Variants in SECISBP2L observed in about 807,000 individuals in gnomAD.
The protein encoded by SECISBP2L is SECIS binding protein 2 like.
In SECISBP2L, 43 loss-of-function variants were observed where a neutral mutation model predicts 114.7. The ratio of observed to expected loss-of-function variants is 0.38; its 90% CI spans 0.29 to 0.48. SECISBP2L has a LOEUF of 0.48. SECISBP2L is among the 20% of genes least tolerant of loss of function. The pLI is 0.98. For synonymous variants in SECISBP2L, 451 were observed against 439.7 expected (o/e 1.03, Z -0.32); for missense variants, 1,136 against 1,301.1 (o/e 0.87, Z 1.95).
chr15:49,006,368 T>C (rs1177315925), intron 14 of SECISBP2L, among the ~76,000 whole-genome samples: 1 of 152,212 alleles, frequency 6.6e-6, no homozygotes, highest in East Asian at 1.9e-4. Flanking sequence ...ATTCTCCTCG[T>C]CACTTTCAGG....
At chr15:49,032,854 T>C (rs1356435471) in intron 4 of SECISBP2L, 111 bp downstream of exon 4, 3 of 1,337,646 alleles carry the variant, frequency 2.2e-6, no homozygotes, top group South Asian at 1.5e-5. Flanking sequence ...GCAGGACAAA[T>C]GAAAGGATGA....
chr15:49,017,461 T>G, intron 9 of SECISBP2L, 87 bp downstream of exon 9: 1 of 864,424 alleles, frequency 1.2e-6, no homozygotes, highest in South Asian at 1.5e-5. Context: ...TCCATGTGCC[T>G]TTACACTTAT....
intron 1 of SECISBP2L, among the ~76,000 whole-genome samples, chr15:49,039,774 C>T (rs1231295946): frequency 6.6e-6 from 1 of 152,018 alleles, no homozygotes; most frequent in Non-Finnish European, 1.5e-5. Flanking sequence ...AAGTGATCCT[C>T]CCACCTCAGC....
chr15:49,044,610 C>T (rs1359266698), intron 1 of SECISBP2L, among the ~76,000 whole-genome samples: 1 of 151,986 alleles, frequency 6.6e-6, no homozygotes, highest in East Asian at 1.9e-4. Flanking sequence ...GCAAGAAGTA[C>T]TGGAAGAAAA....
chr15:49,017,150 A>G (rs1423487596), intron 9 of SECISBP2L, 135 bp from the exon 10 acceptor site: 7 of 832,896 alleles, frequency 8.4e-6, no homozygotes, highest in Admixed American at 3.2e-5. Context: ...CATAAAGAAC[A>G]GGATTTGACA....
At chr15:49,010,047 C>T (rs1238908802) in intron 13 of SECISBP2L, among the ~76,000 whole-genome samples, 2 of 151,264 alleles carry the variant, frequency 1.3e-5, no homozygotes, top group African/African-American at 2.4e-5. Context: ...GCAGGAGAAT[C>T]GCTTGAACCC....
chr15:49,011,492 C>T (rs193218087), intron 13 of SECISBP2L: 3 of 369,404 alleles, frequency 8.1e-6, no homozygotes, highest in South Asian at 1.2e-4. Context: ...GAATTCACTA[C>T]AAATTCAGGA....
intron 16 of SECISBP2L, among the ~76,000 whole-genome samples, chr15:48,997,310 A>G (rs1306245303): frequency 6.6e-6 from 1 of 152,188 alleles, no homozygotes; most frequent in Admixed American, 6.5e-5. Flanking sequence ...TAGGAATTAA[A>G]TTTTTCTGTA....
intron 7 of SECISBP2L, among the ~76,000 whole-genome samples, chr15:49,020,587 A>C (rs1441954189): frequency 6.6e-6 from 1 of 152,054 alleles, no homozygotes; most frequent in Non-Finnish European, 1.5e-5. Flanking sequence ...AGCTCACTGC[A>C]GCCTCAACCT....
intron 12 of SECISBP2L, among the ~76,000 whole-genome samples, 161 bp from the exon 13 acceptor site, chr15:49,012,024 G>A (rs1902447139): frequency 6.6e-6 from 1 of 152,112 alleles, no homozygotes; most frequent in Non-Finnish European, 1.5e-5. Flanking sequence ...GACACTGTAA[G>A]TTGAAGGAAG....
Position 49,019,413 on chromosome 15 carries a change from A to T in SECISBP2L, c.1170+5T>A, listed in dbSNP as rs997868016. ...CAGCTTACAAATAGAGTTTGAAAAA[A>T]ATACCTCAAAATATAAAGACTCAGA... On this transcript the variant is annotated splice_donor_5th_base_variant and intron_variant, in intron 8 of 17. Coordinates refer to ENST00000559471, the MANE Select transcript of SECISBP2L (RefSeq NM_001193489.2). 1 of 1,425,550 alleles carries T rather than the reference A, an allele frequency of 7.0e-7. No homozygotes were observed. The highest frequency in any genetic ancestry group is 1.5e-5 in the African/African-American group (1 of 67,212). The allele number at this position is 1,425,550 out of a possible 1,614,324, so 88.3% of individuals were successfully genotyped here.
At chr15:48,993,043 A>G in intron 17 of SECISBP2L, 117 bp from the exon 18 acceptor site, 1 of 889,318 alleles carries the variant, frequency 1.1e-6, no homozygotes, top group Non-Finnish European at 1.7e-6. Context: ...TGGCTTAGAA[A>G]CTGACTGGAA....
At chr15:49,006,892 T>G (rs1346159610) in intron 14 of SECISBP2L, among the ~76,000 whole-genome samples, 1 of 152,184 alleles carries the variant, frequency 6.6e-6, no homozygotes, top group Non-Finnish European at 1.5e-5. Flanking sequence ...TTTTGCAATT[T>G]TCAGCCTTTT....
In SECISBP2L at chr15:48,996,943, G is replaced by A. The variant is rs539516999; in HGVS notation, c.2404-357C>T. On this transcript the variant is annotated intron_variant, in intron 16 of 17. Coordinates refer to ENST00000559471, the MANE Select transcript of SECISBP2L (RefSeq NM_001193489.2). ...ACTCTACTCTCAAGGAACCTTCTAT[G>A]TGGCTAGAAAAAGATGGTAAGAGAC... is the stretch of plus-strand genomic sequence containing the variant. 2.6e-3 allele frequency among the ~76,000 whole-genome samples: 392 copies of A among 152,258 alleles called. 3 individuals carry two copies. The highest frequency in any genetic ancestry group is 9.2e-3 in the African/African-American group (381 of 41,534).
chr15:49,010,093 C>T (rs1413904424), intron 13 of SECISBP2L, among the ~76,000 whole-genome samples: 3 of 138,998 alleles, frequency 2.2e-5, no homozygotes, highest in Non-Finnish European at 4.7e-5. Flanking sequence ...GATGGCACTA[C>T]TGCACTCCAG....
chr15:49,005,208 T>C (rs1902291359), intron 14 of SECISBP2L, among the ~76,000 whole-genome samples: 1 of 152,184 alleles, frequency 6.6e-6, no homozygotes, highest in Non-Finnish European at 1.5e-5. Context: ...CACAGGCCTG[T>C]AGTCCCACCT....
At chr15:49,021,681 T>A (rs1052397507) in intron 7 of SECISBP2L, among the ~76,000 whole-genome samples, 1 of 152,174 alleles carries the variant, frequency 6.6e-6, no homozygotes, top group Non-Finnish European at 1.5e-5. Context: ...GTATTAACGG[T>A]GTTACAAACG....
chr15:48,988,675 C>G lies in SECISBP2L; in HGVS notation c.*3569G>C. On this transcript the variant is annotated 3_prime_UTR_variant, in exon 18 of 18. Transcript: ENST00000559471. ...AATCATTTTATTAGTACAGAAGAAT[C>G]CCCACTAGTATTTACATAGTGCAAA... 2.2e-6 allele frequency: 1 copy of G among 454,454 alleles called. No homozygotes were observed. Among genetic ancestry groups the G allele is most frequent in the Admixed American group, 2.4e-5 (1 of 42,338 alleles). The allele number at this position is 454,454 out of a possible 1,614,324, so 28.2% of individuals were successfully genotyped here. A position where few individuals can be genotyped will look rare whatever the true frequency, so the allele number is the denominator to read the frequency against.
chr15:49,000,941 A>G lies in SECISBP2L; in HGVS notation c.2184T>C (p.His728=). 6.2e-7 allele frequency: 1 copy of G among 1,613,762 alleles called. No homozygotes were observed. The highest frequency in any genetic ancestry group is 8.5e-7 in the Non-Finnish European group (1 of 1,179,846). ...LVMGLREVTK[H]MKLNKIKCVI... is the part of the protein sequence containing the mutation. The stretch of plus-strand genomic sequence containing the variant: ...CACACTTGATCTTGTTTAACTTCAT[A>G]TGTTTGGTAACTTCTCTTAGACCCA... The change falls in exon 15 of 18, where the codon CAT becomes CAC. Residue 728 remains histidine, a synonymous_variant. Coordinates refer to ENST00000559471, the MANE Select transcript of SECISBP2L (RefSeq NM_001193489.2).
Sources: gnomAD v4.1 joint callset for allele counts (sites outside exome capture counted in the v4.1 genomes callset) on GRCh38, gnomAD v4.1.1 for gene constraint, MANE v1.5 for transcripts, NCBI Gene and HGNC (gene_info 2026-07-23, HGNC 2026-07-21) for gene names.